CFDP1: variants seen among roughly 807,000 people sequenced by gnomAD.
CFDP1 encodes the protein heterochromatin-stabilizing protein CFDP1.
A neutral mutation model predicts 40.1 loss-of-function variants in CFDP1; 31 were observed. That is an observed-to-expected ratio of 0.77 (90% confidence interval 0.58 to 1.04). The LOEUF (loss-of-function observed/expected upper bound fraction) is 1.04. Among genes scored for constraint, CFDP1 ranks in the 50% least tolerant of loss-of-function variants. CFDP1 has a pLI of 0.00. For synonymous variants in CFDP1, 167 were observed against 120.0 expected (o/e 1.39, Z -2.56); for missense variants, 423 against 343.4 (o/e 1.23, Z -1.83).
In CFDP1 at chr16:75,355,591, T is replaced by C. The variant is rs1433172725; in HGVS notation, c.650+39499A>G. Among the ~76,000 whole-genome samples the C allele has an allele frequency of 2.0e-5, 3 of 152,192 alleles. No homozygotes were observed. The East Asian group carries it at 5.8e-4, about 29-fold the overall frequency. ...TCTTCAGGCTCTGATATGGTCTGAC[T>C]CTGTATCCCCATCTAAATCTCACCC... On this transcript the variant is annotated intron_variant, in intron 5 of 6. Transcript: ENST00000283882.
At chr16:75,365,540 G>A (rs960509453) in intron 5 of CFDP1, among the ~76,000 whole-genome samples, 5 of 152,286 alleles carry the variant, frequency 3.3e-5, no homozygotes, top group Non-Finnish European at 7.4e-5. Flanking sequence ...TGGAAAGTGA[G>A]GGAGGAAGCC....
At chr16:75,367,667 C>G (rs2078724487) in intron 5 of CFDP1, among the ~76,000 whole-genome samples, 1 of 151,620 alleles carries the variant, frequency 6.6e-6, no homozygotes, top group South Asian at 2.1e-4. Flanking sequence ...GTGGCAGGAG[C>G]CTGAAATCCC....
intron 5 of CFDP1, among the ~76,000 whole-genome samples, chr16:75,309,605 G>C (rs1000775398): frequency 3.3e-5 from 5 of 152,072 alleles, no homozygotes; most frequent in African/African-American, 7.2e-5. Flanking sequence ...CGGATCACAA[G>C]GTCAGGAGAT....
chr16:75,412,399 T>G, intron 3 of CFDP1, 136 bp downstream of exon 3: 1 of 740,584 alleles, frequency 1.4e-6, no homozygotes, highest in Non-Finnish European at 2.4e-6. Context: ...CTTATTCTCC[T>G]ACCACAGGAA....
intron 5 of CFDP1, among the ~76,000 whole-genome samples, chr16:75,373,242 C>T (rs906721409): frequency 1.3e-5 from 2 of 152,230 alleles, no homozygotes; most frequent in Non-Finnish European, 2.9e-5. Context: ...CCCATTTCAA[C>T]ACTTACACAC....
intron 4 of CFDP1, among the ~76,000 whole-genome samples, chr16:75,395,646 G>A (rs772304823): frequency 1.5e-4 from 23 of 152,036 alleles, no homozygotes; most frequent in Non-Finnish European, 2.2e-4. Flanking sequence ...GCAACAGCAC[G>A]AGACACCGTC....
chr16:75,354,506 C>T lies in CFDP1; in HGVS notation c.650+40584G>A, dbSNP rs183796628. The stretch of plus-strand genomic sequence containing the variant: ...TTGGTGTTAAAAAAAAAATCCAAGA[C>T]ATATCTCCAAGAGAAGTGTCCTCAT... On this transcript the variant is annotated intron_variant, in intron 5 of 6. Transcript: ENST00000283882. 2.0e-5 allele frequency among the ~76,000 whole-genome samples: 3 copies of T among 152,238 alleles called. No individual in the cohort carries two copies. In the East Asian group the frequency reaches 5.8e-4, roughly 29 times the overall value.
In CFDP1 at chr16:75,305,104, C is replaced by T; in HGVS notation, c.729G>A (p.Lys243=). The T allele has an allele frequency of 1.2e-6, 2 of 1,614,188 alleles. No individual in the cohort carries two copies. The highest frequency in any genetic ancestry group is 1.7e-6 in the Non-Finnish European group (2 of 1,180,034). Residue 243 remains lysine, a synonymous_variant, in exon 6 of 7, where the codon AAG becomes AAA. Transcript: ENST00000283882. ...TGAAGCTCTCCCAGTCCAGTTTGGA[C>T]TTCTCAAGGGTGCTCATTTTCTGCT... ...AKKQKMSTLE[K]SKLDWESFKE...
chr16:75,369,511 G>A (rs1002555747), intron 5 of CFDP1, among the ~76,000 whole-genome samples: 41 of 152,130 alleles, frequency 2.7e-4, no homozygotes, highest in African/African-American at 9.2e-4. Flanking sequence ...ACATGGCTTC[G>A]CAGTAGGTTG....
chr16:75,338,869 T>C (rs1349207146), intron 5 of CFDP1, among the ~76,000 whole-genome samples: 1 of 152,190 alleles, frequency 6.6e-6, no homozygotes, highest in African/African-American at 2.4e-5. Context: ...TATCATCCTC[T>C]TGCGTGTTAC....
intron 5 of CFDP1, among the ~76,000 whole-genome samples, chr16:75,308,604 A>G (rs1567640805): frequency 6.6e-6 from 1 of 152,218 alleles, no homozygotes; most frequent in Non-Finnish European, 1.5e-5. Flanking sequence ...CATGGAAGAG[A>G]ATCAGATATT....
intron 4 of CFDP1, among the ~76,000 whole-genome samples, chr16:75,400,519 A>C (rs925502071): frequency 6.6e-6 from 1 of 152,124 alleles, no homozygotes; most frequent in East Asian, 1.9e-4. Context: ...CATCAGGAGC[A>C]GCTAGGCCCC....
chr16:75,338,989 ACT>A (rs1193378024), intron 5 of CFDP1, among the ~76,000 whole-genome samples: 1 of 152,064 alleles, frequency 6.6e-6, no homozygotes. Context: ...TAAACTCATA[ACT>A]TCACAGTGGG....
rs148604881 is a variant in CFDP1 at position 75,330,848 on chromosome 16, T to C, written c.651-25666A>G. 2.2e-3 allele frequency among the ~76,000 whole-genome samples: 334 copies of C among 152,166 alleles called. 5 individuals carry two copies. In the East Asian group the frequency reaches 0.026, roughly 12 times the overall value. ...TCATTTTACTAATTATCAAGTTCCA[T>C]TGTACATCCCCAAGTACACTGAGTC... On this transcript the variant is annotated intron_variant, in intron 5 of 6. Transcript: ENST00000283882.
At chr16:75,328,810 C>A (rs1597334623) in intron 5 of CFDP1, among the ~76,000 whole-genome samples, 1 of 150,110 alleles carries the variant, frequency 6.7e-6, no homozygotes, top group East Asian at 2.0e-4. Context: ...TCCCGAGTAG[C>A]TGGGATTACA....
intron 5 of CFDP1, chr16:75,391,330 A>G (rs2078948541): frequency 6.6e-6 from 1 of 152,212 alleles, no homozygotes; most frequent in African/African-American, 2.4e-5. Flanking sequence ...GTAACTTCAT[A>G]GCAATACTTT....
At chr16:75,331,476 C>T (rs1468413056) in intron 5 of CFDP1, among the ~76,000 whole-genome samples, 2 of 152,122 alleles carry the variant, frequency 1.3e-5, no homozygotes, top group African/African-American at 4.8e-5. Flanking sequence ...ATGTATACCC[C>T]TATGTAACTC....
chr16:75,412,604 GTCC>G lies in CFDP1; in HGVS notation c.330_332del (p.Glu110del), dbSNP rs1567678212. ...CATTGAGGAAGCTGGCCCAGAGTTC[GTCC>G]TCCTTCTTTTTCCTGGCATCCTCTG... On this transcript the variant is annotated inframe_deletion, in exon 3 of 7. Coordinates refer to ENST00000283882, the MANE Select transcript of CFDP1 (RefSeq NM_006324.3). 3.7e-6 allele frequency: 6 copies of G among 1,614,074 alleles called. No homozygotes were observed. Among genetic ancestry groups the G allele is most frequent in the South Asian group, 2.2e-5 (2 of 91,076 alleles).
chr16:75,415,804 T>A (rs1043924712), intron 1 of CFDP1, among the ~76,000 whole-genome samples: 1 of 152,208 alleles, frequency 6.6e-6, no homozygotes, highest in Non-Finnish European at 1.5e-5. Context: ...TTGTTTCCAA[T>A]TTGGAGTCAT....
Sources: allele counts gnomAD v4.1 joint callset (sites outside exome capture counted in the v4.1 genomes callset), GRCh38; gene constraint gnomAD v4.1.1; transcripts MANE v1.5; gene names NCBI Gene and HGNC (gene_info 2026-07-23, HGNC 2026-07-21).